ELP6: variants seen among roughly 807,000 people sequenced by gnomAD.
ELP6 encodes the protein elongator acetyltransferase complex subunit 6, also known as elongator complex protein 6.
A neutral mutation model predicts 28.1 loss-of-function variants in ELP6; 23 were observed. That is an observed-to-expected ratio of 0.82 (90% CI 0.59 to 1.16). The LOEUF (loss-of-function observed/expected upper bound fraction) is 1.16. Ranked by LOEUF, ELP6 falls within the 50% of genes most tolerant of loss-of-function variation. The pLI is 0.00. For synonymous variants in ELP6, 132 were observed against 135.8 expected (o/e 0.97, Z 0.19); for missense variants, 313 against 334.6 (o/e 0.94, Z 0.50).
intron 4 of ELP6, chr3:47,502,499 T>C: frequency 1.0e-6 from 1 of 984,292 alleles, no homozygotes; most frequent in Non-Finnish European, 1.2e-6. Flanking sequence ...CAGCTTGGAT[T>C]GGGCAGGCGG....
rs1409696091 is a variant in ELP6, at chr3:47,513,638, A to G, written c.-48T>C. On this transcript the variant is annotated 5_prime_UTR_variant, in exon 1 of 7. Transcript: ENST00000296149. ...TCTGGAGGAGAACCCGGAGTGCTGC[A>G]GAGACGACGGAGGCTGGAGAGCAAA... 1.9e-6 allele frequency: 3 copies of G among 1,611,108 alleles called. No homozygotes were observed. In the Admixed American group the frequency reaches 5.0e-5, roughly 27 times the overall value.
chr3:47,498,644 A>G (rs902708112), intron 5 of ELP6: 1 of 985,302 alleles, frequency 1.0e-6, no homozygotes, highest in African/African-American at 1.7e-5. Flanking sequence ...ATAATGAGCC[A>G]ACCCATATTT....
chr3:47,505,634 C>A (rs1348849432), intron 3 of ELP6, among the ~76,000 whole-genome samples: 1 of 152,066 alleles, frequency 6.6e-6, no homozygotes, highest in Non-Finnish European at 1.5e-5. Context: ...TGCAATGGTG[C>A]GATCTTGGCT....
intron 3 of ELP6, among the ~76,000 whole-genome samples, chr3:47,507,117 C>T (rs1708859846): frequency 6.6e-6 from 1 of 152,146 alleles, no homozygotes; most frequent in Admixed American, 6.5e-5. Flanking sequence ...AATCCCAGCA[C>T]TTTGGGAGGC....
At chr3:47,499,758 G>A (rs1187897843) in intron 5 of ELP6, 3 of 1,042,160 alleles carry the variant, frequency 2.9e-6, no homozygotes, top group African/African-American at 1.7e-5. Context: ...TCCTGTAGGG[G>A]TGCAAAGCAG....
At chr3:47,513,281 C>T (rs1431191029) in intron 1 of ELP6, 3 of 1,333,750 alleles carry the variant, frequency 2.2e-6, no homozygotes, top group Non-Finnish European at 1.9e-6. Context: ...GGTGAGCCAC[C>T]GCGCCCGGCC....
At chr3:47,500,236 C>T (rs748155106) in intron 5 of ELP6, 26 of 1,071,132 alleles carry the variant, frequency 2.4e-5, no homozygotes, top group African/African-American at 1.4e-4. Context: ...AAAGAAGTAG[C>T]GAACAGTGTG....
intron 3 of ELP6, among the ~76,000 whole-genome samples, chr3:47,507,086 G>C (rs1268701090): frequency 6.6e-6 from 1 of 152,138 alleles, no homozygotes; most frequent in Admixed American, 6.5e-5. Context: ...TTCCTGGCTG[G>C]GCATGGTGGT....
chr3:47,502,175 G>A (rs1708681451), intron 4 of ELP6, among the ~76,000 whole-genome samples: 1 of 151,594 alleles, frequency 6.6e-6, no homozygotes, highest in African/African-American at 2.4e-5. Flanking sequence ...TTGTGAGGCT[G>A]AGGCGGGTGG....
chr3:47,498,132 G>T, intron 6 of ELP6, 154 bp downstream of exon 6: 1 of 1,370,292 alleles, frequency 7.3e-7, no homozygotes, highest in Non-Finnish European at 9.9e-7. Context: ...TCTGGAGCAG[G>T]TCTATTACCT....
chr3:47,506,605 C>T (rs1305461898), intron 3 of ELP6, among the ~76,000 whole-genome samples: 2 of 152,184 alleles, frequency 1.3e-5, no homozygotes, highest in African/African-American at 4.8e-5. Context: ...TCTGTTCCGC[C>T]CGGCTCACCA....
chr3:47,503,673 C>T (rs1431952129), intron 4 of ELP6, among the ~76,000 whole-genome samples: 1 of 152,078 alleles, frequency 6.6e-6, no homozygotes, highest in Non-Finnish European at 1.5e-5. Flanking sequence ...GAGGCCGAGG[C>T]GGGCGGATCA....
At chr3:47,508,564 A>G (rs1218975860) in intron 3 of ELP6, among the ~76,000 whole-genome samples, 1 of 152,194 alleles carries the variant, frequency 6.6e-6, no homozygotes, top group Non-Finnish European at 1.5e-5. Context: ...ATTAAGTGAC[A>G]TGATCATATG....
chr3:47,499,862 CAGG>C (rs1245234365), intron 5 of ELP6: 3 of 1,226,866 alleles, frequency 2.4e-6, no homozygotes, highest in Admixed American at 6.3e-5. Flanking sequence ...CAAATAACTC[CAGG>C]AGAAGCTGCA....
intron 1 of ELP6, chr3:47,512,783 C>A (rs987876216): frequency 1.1e-6 from 1 of 935,076 alleles, no homozygotes; most frequent in Non-Finnish European, 1.3e-6. Flanking sequence ...GCGTTCAATA[C>A]AATGTGCCAA....
chr3:47,498,115 A>T (rs1258520829), intron 6 of ELP6, 171 bp downstream of exon 6: 3 of 1,359,548 alleles, frequency 2.2e-6, no homozygotes, highest in Non-Finnish European at 3.0e-6. Context: ...CATGAGGCTA[A>T]GCGCAATCTG....
chr3:47,510,422 T>TTA (rs1228123282), intron 2 of ELP6, among the ~76,000 whole-genome samples, 168 bp from the exon 3 acceptor site: 5 of 152,336 alleles, frequency 3.3e-5, no homozygotes, highest in Middle Eastern at 3.4e-3. Context: ...TATTTAACAG[T>TTA]TATATCTTAT....
intron 3 of ELP6, 68 bp from the exon 4 acceptor site, chr3:47,504,516 G>A: frequency 6.7e-7 from 1 of 1,495,766 alleles, no homozygotes; most frequent in Non-Finnish European, 8.9e-7. Context: ...ATGCCAGCTT[G>A]CAAGAGGGCA....
intron 4 of ELP6, chr3:47,502,646 G>A (rs1708701966): frequency 8.0e-6 from 6 of 751,464 alleles, no homozygotes; most frequent in Non-Finnish European, 9.7e-6. Context: ...AACAGCCTAG[G>A]CAACAGAGTG....
Sources: gnomAD v4.1 joint callset for allele counts (sites outside exome capture counted in the v4.1 genomes callset) on GRCh38, gnomAD v4.1.1 for gene constraint, MANE v1.5 for transcripts, NCBI Gene and HGNC (gene_info 2026-07-23, HGNC 2026-07-21) for gene names.